LRRC9: variants seen among roughly 807,000 people sequenced by gnomAD.
LRRC9 encodes the protein leucine rich repeat containing 9.
Under a neutral mutation model 63.2 loss-of-function variants are expected in LRRC9, and 122 were observed. The observed-to-expected ratio is 1.93, with a 90% confidence interval of 1.67 to 2.24. The LOEUF (loss-of-function observed/expected upper bound fraction) is 2.24, where lower values mean the gene tolerates loss of function less well. Among genes scored for constraint, LRRC9 ranks in the 30% most tolerant of loss-of-function variants. The probability of loss-of-function intolerance (pLI) is 0.00; values close to 1 mark genes in which losing one functional copy is unlikely to be tolerated. For missense variants in LRRC9, 1,071 were observed against 627.7 expected (o/e 1.71, Z -7.55); for synonymous variants, 366 against 213.1 (o/e 1.72, Z -6.25).
chr14:59,948,073 T>C (rs150670), intron 8 of LRRC9, among the ~76,000 whole-genome samples: 24,371 of 97,038 alleles, frequency 0.25, 2,830 homozygotes, highest in East Asian at 0.41. Context: ...ATGGGGATGG[T>C]ATTGAATCTG....
intron 29 of LRRC9, among the ~76,000 whole-genome samples, chr14:60,038,489 G>T (rs951420259): frequency 6.6e-6 from 1 of 152,162 alleles, no homozygotes; most frequent in African/African-American, 2.4e-5. Context: ...CACATCCCTT[G>T]TAAGTTAGAT....
rs1350779639 is a variant in LRRC9, at chr14:60,060,561, A to G, written c.4276+2539A>G. Among the ~76,000 whole-genome samples, 2 of 152,118 alleles carry G rather than the reference A, an allele frequency of 1.3e-5. No individual in the cohort carries two copies. The highest frequency in any genetic ancestry group is 2.9e-5 in the Non-Finnish European group (2 of 68,028). ...CGAGACCATCCTGGCTAACACGGTG[A>G]AACCCCGTCTCTACTAAAAATACAA... is the stretch of plus-strand genomic sequence containing the variant. On this transcript the variant is annotated intron_variant, in intron 31 of 31. Transcript: ENST00000445360. This position sits in a 1 kb window ranked among gnomAD's most constrained non-coding sequence, Gnocchi z 4.0.
rs1889820086 is a variant in LRRC9 at position 59,932,886 on chromosome 14, C to G, written c.543+847C>G. ...ATAAAAATCACCCTTCTGCTTAAAA[C>G]CCTCCGTCGCCTTCTCATCTATTTC... On this transcript the variant is annotated intron_variant, in intron 6 of 31. Transcript: ENST00000445360. This position sits in a 1 kb window ranked among gnomAD's most constrained non-coding sequence, Gnocchi z 4.7. Among the ~76,000 whole-genome samples, 1 of 152,128 alleles carries G rather than the reference C, an allele frequency of 6.6e-6. No individual in the cohort carries two copies. Among genetic ancestry groups the G allele is most frequent in the Non-Finnish European group, 1.5e-5 (1 of 68,008 alleles).
intron 28 of LRRC9, among the ~76,000 whole-genome samples, chr14:60,029,487 A>G (rs1042308528): frequency 1.3e-5 from 2 of 152,120 alleles, no homozygotes; most frequent in Admixed American, 6.6e-5. Flanking sequence ...TTCTAGGTTT[A>G]TTTATTACAG....
At chr14:59,952,314 C>T (rs1270531663) in intron 8 of LRRC9, among the ~76,000 whole-genome samples, 2 of 152,196 alleles carry the variant, frequency 1.3e-5, no homozygotes, top group Non-Finnish European at 2.9e-5. Context: ...ACTCCCTGAC[C>T]CCTTGCGCTT....
chr14:60,040,389 G>C (rs1218719750), intron 29 of LRRC9, among the ~76,000 whole-genome samples: 2 of 151,864 alleles, frequency 1.3e-5, no homozygotes, highest in Admixed American at 6.5e-5. Context: ...TATTGTGTAG[G>C]AGTCTCAGTC....
intron 29 of LRRC9, among the ~76,000 whole-genome samples, chr14:60,047,819 C>G (rs1385367678): frequency 6.6e-6 from 1 of 152,158 alleles, no homozygotes; most frequent in East Asian, 1.9e-4. Flanking sequence ...ACAGAACTCT[C>G]TACCCCCCAG....
chr14:59,982,183 AG>A, intron 16 of LRRC9, 123 bp downstream of exon 16: 1 of 585,040 alleles, frequency 1.7e-6, no homozygotes. Flanking sequence ...TGCTACCTAA[AG>A]CGTCCATTTC....
At chr14:59,960,694 T>TTCTA (rs925211178) in intron 9 of LRRC9, among the ~76,000 whole-genome samples, 4 of 152,354 alleles carry the variant, frequency 2.6e-5, no homozygotes, top group African/African-American at 4.8e-5. Context: ...AAGGATAGTC[T>TTCTA]TCTAGCCTTC....
chr14:59,925,157 T>C (rs752363871), intron 1 of LRRC9, among the ~76,000 whole-genome samples: 42 of 152,212 alleles, frequency 2.8e-4, no homozygotes, highest in Admixed American at 7.8e-4. Flanking sequence ...GATAATTTGC[T>C]GGCTGTATTT....
chr14:59,928,484 G>C (rs982886754), exon 3 of LRRC9: 1 of 656,954 alleles, frequency 1.5e-6, no homozygotes, highest in Non-Finnish European at 2.7e-6. Flanking sequence ...GTGCTGCATA[G>C]AGGTAAGTGT....
intron 17 of LRRC9, among the ~76,000 whole-genome samples, chr14:59,992,057 C>T (rs1186024697): frequency 2.0e-5 from 3 of 152,092 alleles, no homozygotes; most frequent in East Asian, 1.9e-4. Context: ...CTGGGAGGCA[C>T]CCCCCAGTAA....
At chr14:60,033,996 T>C (rs1002779225) in intron 29 of LRRC9, among the ~76,000 whole-genome samples, 5 of 150,104 alleles carry the variant, frequency 3.3e-5, no homozygotes, top group Non-Finnish European at 5.9e-5. Flanking sequence ...AATTGGCCTT[T>C]TTATGTAATT....
At chr14:60,029,789 T>A (rs975665033) in intron 28 of LRRC9, among the ~76,000 whole-genome samples, 2 of 152,144 alleles carry the variant, frequency 1.3e-5, no homozygotes, top group Non-Finnish European at 2.9e-5. Flanking sequence ...TACATATCAT[T>A]GAATGAAGAA....
chr14:60,034,597 T>C (rs1892278175), intron 29 of LRRC9, among the ~76,000 whole-genome samples: 1 of 152,156 alleles, frequency 6.6e-6, no homozygotes, highest in South Asian at 2.1e-4. Context: ...GGACATGTGA[T>C]ATTTGTCTTT....
intron 17 of LRRC9, among the ~76,000 whole-genome samples, chr14:59,993,818 C>A (rs1331104892): frequency 6.6e-6 from 1 of 152,172 alleles, no homozygotes; most frequent in Non-Finnish European, 1.5e-5. Context: ...TAAAGCAAGT[C>A]CTTAGTGACC....
rs1368834134 is a variant in LRRC9, at chr14:60,031,527, T to C, written c.3922-468T>C. Among the ~76,000 whole-genome samples the C allele has an allele frequency of 6.6e-6, 1 of 152,062 alleles. No homozygotes were observed. Among genetic ancestry groups the C allele is most frequent in the East Asian group, 1.9e-4 (1 of 5,194 alleles). On this transcript the variant is annotated intron_variant, in intron 28 of 31. Transcript: ENST00000445360. The surrounding 1 kb of genome is among the most constrained non-coding windows in gnomAD (Gnocchi z 4.6). ...AATTATTTAACATGAGAAATAGTTT[T>C]TCAGCTATATATATTCCCAGCAAGT...
At chr14:59,961,129 T>C (rs1160550133) in intron 10 of LRRC9, 84 bp downstream of exon 10, 5 of 485,000 alleles carry the variant, frequency 1.0e-5, no homozygotes, top group Non-Finnish European at 1.8e-5. Flanking sequence ...TTATAAAATC[T>C]TAAAATGTCC....
In LRRC9 at chr14:59,919,880, GAA is replaced by G. The variant is rs1888609397; in HGVS notation, c.-36_-35del. 6.6e-6 allele frequency: 1 copy of G among 152,310 alleles called. No individual in the cohort carries two copies. Among genetic ancestry groups the G allele is most frequent in the Non-Finnish European group, 1.5e-5 (1 of 68,080 alleles). 9.4% of individuals were successfully genotyped at this position (152,310 alleles called of 1,614,324 possible). On this transcript the variant is annotated splice_region_variant and 5_prime_UTR_variant, in exon 1 of 32. Transcript: ENST00000445360. The surrounding 1 kb of genome is among the most constrained non-coding windows in gnomAD (Gnocchi z 4.5). ...TTTCAGTCACGTTCCGCGAACTGGC[GAA>G]GGTAAGTGAAAAGATAAGCGCAGGT... is the stretch of plus-strand genomic sequence containing the variant.
Sources: gnomAD v4.1 joint callset for allele counts (sites outside exome capture counted in the v4.1 genomes callset) on GRCh38, gnomAD v4.1.1 for gene constraint, Gnocchi (gnomAD v3.1) non-coding constraint, MANE v1.5 for transcripts, NCBI Gene and HGNC (gene_info 2026-07-23, HGNC 2026-07-21) for gene names.